Variants in ARHGAP31 observed in about 807,000 individuals in gnomAD.
ARHGAP31 encodes the protein rho GTPase-activating protein 31.
ARHGAP31 carries 34 observed loss-of-function variants against 113.9 expected under a neutral mutation model. The ratio of observed to expected loss-of-function variants is 0.30; its 90% CI spans 0.23 to 0.40. ARHGAP31 has a LOEUF of 0.40. Among genes scored for constraint, ARHGAP31 ranks in the 10% least tolerant of loss-of-function variants. The pLI is 1.00. For synonymous variants in ARHGAP31, 650 were observed against 684.8 expected, an observed-to-expected ratio of 0.95 and a Z score of 0.79; for missense variants, 1,548 against 1,767.1, an observed-to-expected ratio of 0.88 and a Z score of 2.22.
At chr3:119,295,131 C>G in intron 1 of ARHGAP31, 127 bp downstream of exon 1, 1 of 767,740 alleles carries the variant, frequency 1.3e-6, no homozygotes, top group Non-Finnish European at 2.1e-6. Context: ...GCTCATTGCA[C>G]TTTTTTTTCT....
Position 119,415,185 on chromosome 3 carries a change from G to T in ARHGAP31, c.3256G>T (p.Ala1086Ser), listed in dbSNP as rs61744168. Residue 1086 changes from alanine to serine, a missense_variant, in exon 12 of 12, where the codon GCA (alanine) becomes TCA (serine). Ala to Ser is a moderately conservative substitution (Grantham distance 99). Transcript: ENST00000264245. Reference protein sequence around the residue: ...QDSTSPGEHPAKLQLKSTECG... With the variant: ...QDSTSPGEHPSKLQLKSTECG... ...CAGCACTTCGCCTGGAGAGCACCCCGCAAAGTTACAGCTAAAGAGCACAGA... is the reference window on the plus strand; with the variant it reads ...CAGCACTTCGCCTGGAGAGCACCCCTCAAAGTTACAGCTAAAGAGCACAGA... 12 of 1,614,044 alleles carry T rather than the reference G, an allele frequency of 7.4e-6. No individual in the cohort carries two copies. The highest frequency in any genetic ancestry group is 1.3e-5 in the African/African-American group (1 of 74,890).
intron 1 of ARHGAP31, among the ~76,000 whole-genome samples, chr3:119,311,725 A>G (rs769812491): frequency 7.9e-5 from 12 of 152,210 alleles, no homozygotes; most frequent in Non-Finnish European, 1.6e-4. Flanking sequence ...ATCAGCTGGG[A>G]CACTGGGAGG....
chr3:119,343,842 A>G (rs1227805577), intron 1 of ARHGAP31, among the ~76,000 whole-genome samples: 3 of 152,132 alleles, frequency 2.0e-5, no homozygotes, highest in Non-Finnish European at 4.4e-5. Flanking sequence ...TTTTAACCCA[A>G]TGGGAAGTTT....
intron 1 of ARHGAP31, among the ~76,000 whole-genome samples, chr3:119,349,738 A>T (rs529017889): frequency 6.6e-6 from 1 of 152,128 alleles, no homozygotes; most frequent in Non-Finnish European, 1.5e-5. Flanking sequence ...AATTTAACAA[A>T]CTATTTAAAG....
intron 3 of ARHGAP31, among the ~76,000 whole-genome samples, chr3:119,368,866 T>C (rs1180718764): frequency 6.6e-6 from 1 of 152,194 alleles, no homozygotes; most frequent in African/African-American, 2.4e-5. Context: ...AACCTGAGAC[T>C]CCTCATGCTA....
At position 119,394,901 on chromosome 3, in the gene ARHGAP31, G is replaced by C. The variant is rs570756644; in HGVS notation, c.1006+1310G>C. ...AAGGAATTATAAATTTTCATAGTATGCTAATGGTTCTTAGGAGACATATAC... is the reference window on the plus strand; with the variant it reads ...AAGGAATTATAAATTTTCATAGTATCCTAATGGTTCTTAGGAGACATATAC... On this transcript the variant is annotated intron_variant, in intron 8 of 11. Coordinates refer to ENST00000264245, the MANE Select transcript of ARHGAP31 (RefSeq NM_020754.4). Among the ~76,000 whole-genome samples the C allele has an allele frequency of 4.6e-5, 7 of 152,292 alleles. No individual in the cohort carries two copies. The East Asian group carries it at 1.3e-3, about 29-fold the overall frequency.
rs909844547 is a variant in ARHGAP31, at chr3:119,294,542, G to C, written c.-363G>C. 2.1e-6 allele frequency: 1 copy of C among 478,964 alleles called. No individual in the cohort carries two copies. The highest frequency in any genetic ancestry group is 3.6e-6 in the Non-Finnish European group (1 of 278,316). The allele number at this position is 478,964 out of a possible 1,614,324, so 29.7% of individuals were successfully genotyped here. On this transcript the variant is annotated 5_prime_UTR_variant, in exon 1 of 12. Coordinates refer to ENST00000264245, the MANE Select transcript of ARHGAP31 (RefSeq NM_020754.4). ...GTCGTCTCCGGGGCACTTAGTAAGGGGTGGGGAGAGCTTGCCCTCCCTCTT... is the reference window on the plus strand; with the variant it reads ...GTCGTCTCCGGGGCACTTAGTAAGGCGTGGGGAGAGCTTGCCCTCCCTCTT...
intron 3 of ARHGAP31, among the ~76,000 whole-genome samples, chr3:119,378,279 G>A (rs1577019424): frequency 6.6e-6 from 1 of 152,144 alleles, no homozygotes; most frequent in Non-Finnish European, 1.5e-5. Context: ...AGAGAAGCTC[G>A]AAATAAGTTT....
chr3:119,329,389 G>T (rs1310859686), intron 1 of ARHGAP31, among the ~76,000 whole-genome samples: 2 of 152,212 alleles, frequency 1.3e-5, no homozygotes, highest in East Asian at 1.9e-4. Context: ...GAAGTCCTCT[G>T]TGAAATCTTT....
intron 1 of ARHGAP31, among the ~76,000 whole-genome samples, chr3:119,305,513 C>T (rs2079624448): frequency 6.6e-6 from 1 of 152,184 alleles, no homozygotes; most frequent in African/African-American, 2.4e-5. Context: ...CCAGCCCCTC[C>T]CCTACAATGC....
At chr3:119,395,950 A>G (rs2080547319) in intron 8 of ARHGAP31, among the ~76,000 whole-genome samples, 1 of 152,186 alleles carries the variant, frequency 6.6e-6, no homozygotes, top group South Asian at 2.1e-4. Context: ...AACTGGGGAG[A>G]AGAGTACCTG....
In ARHGAP31 at chr3:119,409,764, T is replaced by G; in HGVS notation, c.1914T>G (p.Leu638=). The G allele has an allele frequency of 6.2e-7, 1 of 1,603,298 alleles. No individual in the cohort carries two copies. Among genetic ancestry groups the G allele is most frequent in the South Asian group, 1.1e-5 (1 of 89,246 alleles). The change falls in exon 11 of 12, where the codon CTT becomes CTG. Residue 638 remains leucine (L), a synonymous_variant. Transcript: ENST00000264245. ...ESPRARAEAV[L]LHEMDEDDLA... The stretch of plus-strand genomic sequence containing the variant: ...CCAGGGCCAGAGCCGAAGCTGTGCT[T>G]CTCCATGAGATGGTAAAGTGCATTC...
In ARHGAP31 at chr3:119,400,928, T is replaced by C. The variant is rs1217415358; in HGVS notation, c.1070-894T>C. On this transcript the variant is annotated intron_variant, in intron 9 of 11. Coordinates refer to ENST00000264245, the MANE Select transcript of ARHGAP31 (RefSeq NM_020754.4). ...GCTCATGCCTGTCATCCCAGCACTTTGGGAGGCCGAGGCAGGCAGATCACC... is the reference window on the plus strand; with the variant it reads ...GCTCATGCCTGTCATCCCAGCACTTCGGGAGGCCGAGGCAGGCAGATCACC... Among the ~76,000 whole-genome samples the C allele has an allele frequency of 5.9e-5, 9 of 152,328 alleles. No homozygotes were observed. In the East Asian group the frequency reaches 1.7e-3, roughly 29 times the overall value.
intron 7 of ARHGAP31, among the ~76,000 whole-genome samples, chr3:119,391,496 A>G (rs947728668): frequency 6.6e-6 from 1 of 151,864 alleles, no homozygotes; most frequent in Non-Finnish European, 1.5e-5. Context: ...GCCTTCCCTC[A>G]TCTCCAAAAT....
chr3:119,339,390 GT>G lies in ARHGAP31; in HGVS notation c.101-25918del, dbSNP rs549516596. On this transcript the variant is annotated intron_variant, in intron 1 of 11. Transcript: ENST00000264245. ...CAATTCTTATCAAAATCCCAGCAAG[GT>G]TTTTTTTGTAGATATAGATTAAAAG... Among the ~76,000 whole-genome samples the G allele has an allele frequency of 6.6e-5, 10 of 151,944 alleles. No individual in the cohort carries two copies. The East Asian group carries it at 1.7e-3, about 26-fold the overall frequency.
At chr3:119,385,214 C>T (rs2080438837) in intron 6 of ARHGAP31, among the ~76,000 whole-genome samples, 1 of 151,360 alleles carries the variant, frequency 6.6e-6, no homozygotes, top group South Asian at 2.1e-4. Context: ...AGGTGTGAAC[C>T]ACTGTGCCTA....
At chr3:119,364,678 C>T (rs1237911940) in intron 1 of ARHGAP31, among the ~76,000 whole-genome samples, 1 of 152,186 alleles carries the variant, frequency 6.6e-6, no homozygotes, top group Non-Finnish European at 1.5e-5. Context: ...GATGCTGATG[C>T]TGCTGGTCAG....
intron 1 of ARHGAP31, among the ~76,000 whole-genome samples, chr3:119,363,957 C>T (rs2080232025): frequency 6.6e-6 from 1 of 152,124 alleles, no homozygotes; most frequent in Non-Finnish European, 1.5e-5. Flanking sequence ...TCACAACCCT[C>T]TCACAGAGGG....
chr3:119,372,492 A>G (rs1023677846), intron 3 of ARHGAP31, among the ~76,000 whole-genome samples: 3 of 152,120 alleles, frequency 2.0e-5, no homozygotes, highest in African/African-American at 7.2e-5. Context: ...CATGTTGGCC[A>G]GCCTGGTCTT....
Sources: allele counts gnomAD v4.1 joint callset (sites outside exome capture counted in the v4.1 genomes callset), GRCh38; gene constraint gnomAD v4.1.1; transcripts MANE v1.5; gene names NCBI Gene and HGNC (gene_info 2026-07-23, HGNC 2026-07-21).